DCDC2: variants seen among roughly 807,000 people sequenced by gnomAD.
The protein encoded by DCDC2 is doublecortin domain containing 2.
Under a neutral mutation model 50.2 loss-of-function variants are expected in DCDC2, and 40 were observed. The observed-to-expected ratio is 0.80, with a 90% CI of 0.62 to 1.04. DCDC2 has a LOEUF of 1.04. DCDC2 is among the 50% of genes least tolerant of loss of function. The pLI is 0.00. For missense variants in DCDC2, 570 were observed against 581.9 expected, an observed-to-expected ratio of 0.98 and a Z score of 0.21; for synonymous variants, 234 against 210.6, an observed-to-expected ratio of 1.11 and a Z score of -0.96.
intron 9 of DCDC2, among the ~76,000 whole-genome samples, chr6:24,175,827 T>C (rs752880535): frequency 2.0e-5 from 3 of 152,212 alleles, no homozygotes; most frequent in African/African-American, 4.8e-5. Context: ...AAAAGTTAAC[T>C]ATTCATTTTT....
intron 6 of DCDC2, among the ~76,000 whole-genome samples, chr6:24,282,641 C>A (rs1353447019): frequency 6.6e-6 from 1 of 152,018 alleles, no homozygotes; most frequent in African/African-American, 2.4e-5. Flanking sequence ...TTTCCAGTCC[C>A]CATGAAAATG....
chr6:24,356,610 C>T (rs1156992217), intron 1 of DCDC2, among the ~76,000 whole-genome samples: 1 of 149,916 alleles, frequency 6.7e-6, no homozygotes, highest in Non-Finnish European at 1.5e-5. Flanking sequence ...ACCACCCCAA[C>T]CAACTCTCAA....
At chr6:24,343,308 CAA>C (rs1182108288) in intron 2 of DCDC2, among the ~76,000 whole-genome samples, 1 of 152,088 alleles carries the variant, frequency 6.6e-6, no homozygotes, top group African/African-American at 2.4e-5. Context: ...CTCGGCCTCC[CAA>C]AGTGCTGGGA....
chr6:24,246,987 C>T (rs1033874612), intron 7 of DCDC2, among the ~76,000 whole-genome samples: 2 of 152,090 alleles, frequency 1.3e-5, no homozygotes, highest in Non-Finnish European at 2.9e-5. Flanking sequence ...AGTATATACC[C>T]ACAGAAAAAG....
chr6:24,365,239 C>G, the DCDC2 span, among the ~76,000 whole-genome samples: 3 of 152,240 alleles, frequency 2.0e-5, no homozygotes, highest in South Asian at 6.2e-4. Context: ...ATTTGCCTAA[C>G]ATACCTTAAT....
rs751427039 is a variant in DCDC2, at chr6:24,324,818, G to A, written c.349-22774C>T. Among the ~76,000 whole-genome samples, 111 of 151,790 alleles carry A rather than the reference G, an allele frequency of 7.3e-4. 3 individuals are homozygous for A. Among genetic ancestry groups the A allele is most frequent in the Non-Finnish European group, 3.2e-4 (22 of 67,952 alleles). ...GGAAAACTTGAACCCAGGTGTTCAA[G>A]GCCACAGTAAGCTATGATTGTGCCA... On this transcript the variant is annotated intron_variant, in intron 2 of 9. Transcript: ENST00000378454.
chr6:24,258,279 G>A (rs1683279559), intron 7 of DCDC2, among the ~76,000 whole-genome samples: 1 of 152,106 alleles, frequency 6.6e-6, no homozygotes, highest in African/African-American at 2.4e-5. Context: ...TGGGGGCGGG[G>A]GGTGGCCAGC....
intron 7 of DCDC2, among the ~76,000 whole-genome samples, chr6:24,236,323 C>T (rs952082253): frequency 8.5e-5 from 13 of 152,098 alleles, no homozygotes; most frequent in Admixed American, 3.9e-4. Context: ...CAAAAATAAG[C>T]AATGGGGAAA....
At chr6:24,225,235 G>C (rs1021618755) in intron 7 of DCDC2, among the ~76,000 whole-genome samples, 2 of 152,086 alleles carry the variant, frequency 1.3e-5, no homozygotes, top group Admixed American at 1.3e-4. Flanking sequence ...TTCAAGAATG[G>C]AACTAAAGGT....
At chr6:24,198,960 T>G (rs147435506) in intron 8 of DCDC2, among the ~76,000 whole-genome samples, 278 of 152,298 alleles carry the variant, frequency 1.8e-3, no homozygotes, top group African/African-American at 6.4e-3. Flanking sequence ...CCTCTCTAGA[T>G]TCCTCCTCTC....
At chr6:24,300,381 C>CA (rs985106379) in intron 4 of DCDC2, among the ~76,000 whole-genome samples, 2 of 151,952 alleles carry the variant, frequency 1.3e-5, no homozygotes, top group African/African-American at 4.8e-5. Context: ...GACCCTGTCT[C>CA]AAAAAAATGA....
At chr6:24,207,061 T>G (rs1041346293) in intron 7 of DCDC2, among the ~76,000 whole-genome samples, 6 of 152,172 alleles carry the variant, frequency 3.9e-5, no homozygotes, top group Admixed American at 3.3e-4. Context: ...ACCATAAACA[T>G]TATATAAAAT....
At chr6:24,226,151 T>TAAA (rs140319908) in intron 7 of DCDC2, among the ~76,000 whole-genome samples, 10,250 of 152,280 alleles carry the variant, frequency 0.067, 612 homozygotes, top group East Asian at 0.36. Context: ...CATTGATTCA[T>TAAA]AAACTTCCAC....
At chr6:24,350,268 A>G (rs1006528902) in intron 2 of DCDC2, among the ~76,000 whole-genome samples, 2 of 152,168 alleles carry the variant, frequency 1.3e-5, no homozygotes, top group African/African-American at 4.8e-5. Flanking sequence ...CATCTTGTCT[A>G]AATTATTAAC....
chr6:24,268,081 T>C (rs2113811282), intron 7 of DCDC2, among the ~76,000 whole-genome samples: 1 of 152,334 alleles, frequency 6.6e-6, no homozygotes, highest in South Asian at 2.1e-4. Flanking sequence ...ACGTCCATAC[T>C]AAAGGCTCTG....
the DCDC2 span, among the ~76,000 whole-genome samples, chr6:24,367,016 G>A: frequency 2.0e-5 from 3 of 152,036 alleles, no homozygotes; most frequent in South Asian, 4.2e-4. Context: ...TAAATGTTGT[G>A]GAGGGATGGG....
At chr6:24,318,732 A>AAG (rs1466137200) in intron 2 of DCDC2, among the ~76,000 whole-genome samples, 3 of 151,728 alleles carry the variant, frequency 2.0e-5, no homozygotes, top group African/African-American at 7.3e-5. Context: ...CAAAAGACAT[A>AAG]ATTTCATTCT....
the DCDC2 span, among the ~76,000 whole-genome samples, chr6:24,371,276 CAAAAA>C: frequency 2.0e-5 from 2 of 102,054 alleles, no homozygotes; most frequent in Non-Finnish European, 2.0e-5. Context: ...CACTCCATCT[CAAAAA>C]AAAAAAAAAA....
intron 7 of DCDC2, among the ~76,000 whole-genome samples, chr6:24,215,095 G>A (rs1761946738): frequency 6.6e-6 from 1 of 152,142 alleles, no homozygotes; most frequent in African/African-American, 2.4e-5. Flanking sequence ...TGTTAAGACA[G>A]TGCATAAAGT....
Sources: gnomAD v4.1 joint callset for allele counts (sites outside exome capture counted in the v4.1 genomes callset) on GRCh38, gnomAD v4.1.1 for gene constraint, MANE v1.5 for transcripts, NCBI Gene and HGNC (gene_info 2026-07-23, HGNC 2026-07-21) for gene names.